Variants in CLVS1 observed in about 807,000 individuals in gnomAD.
CLVS1 encodes clavesin 1, also known as clavesin-1.
In CLVS1, 10 loss-of-function variants were observed where a neutral mutation model predicts 33.1. The ratio of observed to expected loss-of-function variants is 0.30; its 90% CI spans 0.19 to 0.51. The LOEUF (loss-of-function observed/expected upper bound fraction) is 0.51, where lower values mean the gene tolerates loss of function less well. CLVS1 is among the 20% of genes least tolerant of loss of function. The pLI is 0.97. For missense variants in CLVS1, 343 were observed against 433.4 expected, an observed-to-expected ratio of 0.79 and a Z score of 1.85; for synonymous variants, 163 against 166.1, an observed-to-expected ratio of 0.98 and a Z score of 0.14.
chr8:61,121,478 T>G (rs1805870486), intron 1 of CLVS1, among the ~76,000 whole-genome samples: 1 of 152,216 alleles, frequency 6.6e-6, no homozygotes, highest in Admixed American at 6.5e-5. Context: ...AATGCGTGTA[T>G]CTGTTTGCGT....
rs148875986 is a variant in CLVS1 at position 61,432,242 on chromosome 8, T to A, written c.631-21899T>A. Reference sequence around the variant, plus strand: ...CTAAATTCTTGGACTAGACCTCACCTATTATCAAGGGGTAAAATCTTTGCT... The same window carrying A: ...CTAAATTCTTGGACTAGACCTCACCAATTATCAAGGGGTAAAATCTTTGCT... On this transcript the variant is annotated intron_variant, in intron 3 of 5. Coordinates refer to ENST00000325897, the MANE Select transcript of CLVS1 (RefSeq NM_173519.3). Among the ~76,000 whole-genome samples, 721 of 152,344 alleles carry A rather than the reference T, an allele frequency of 4.7e-3. 4 individuals carry two copies. The highest frequency in any genetic ancestry group is 0.016 in the African/African-American group (679 of 41,572).
chr8:61,268,792 T>G (rs1809368216), intron 2 of CLVS1, among the ~76,000 whole-genome samples: 1 of 93,330 alleles, frequency 1.1e-5, no homozygotes, highest in Non-Finnish European at 2.1e-5. Flanking sequence ...TTTTCATGTG[T>G]TTTTTGGCTG....
intron 2 of CLVS1, among the ~76,000 whole-genome samples, chr8:61,262,116 A>G (rs1809218339): frequency 6.6e-6 from 1 of 151,328 alleles, no homozygotes; most frequent in Non-Finnish European, 1.5e-5. Flanking sequence ...ATCTGAAGTG[A>G]TCTCTTCTCA....
chr8:61,283,131 C>T (rs62524886), upstream of CLVS1, among the ~76,000 whole-genome samples: 2,466 of 152,290 alleles, frequency 0.016, 27 homozygotes, highest in Non-Finnish European at 0.025. Context: ...TGAAAATATT[C>T]TCTCTCCAAC....
At chr8:61,145,716 G>A (rs1806402865) in intron 2 of CLVS1, among the ~76,000 whole-genome samples, 1 of 152,100 alleles carries the variant, frequency 6.6e-6, no homozygotes, top group Admixed American at 6.5e-5. Context: ...CCTCCCCTCG[G>A]GCAAGTCACA....
chr8:61,285,738 G>A (rs1226554641), upstream of CLVS1, among the ~76,000 whole-genome samples: 1 of 152,164 alleles, frequency 6.6e-6, no homozygotes, highest in Non-Finnish European at 1.5e-5. Flanking sequence ...ACGTGAGGGT[G>A]CACTGAAGTT....
intron 2 of CLVS1, among the ~76,000 whole-genome samples, chr8:61,281,992 G>A (rs938094578): frequency 1.3e-5 from 2 of 152,134 alleles, no homozygotes; most frequent in African/African-American, 4.8e-5. Context: ...TGAGAAAAGT[G>A]CCCATGGGTG....
intron 2 of CLVS1, among the ~76,000 whole-genome samples, chr8:61,150,101 G>GGTGT (rs10653874): frequency 2.5e-4 from 36 of 146,512 alleles, no homozygotes; most frequent in Admixed American, 4.7e-4. Context: ...ATTTGAGAAA[G>GGTGT]GTGTGTGTGT....
At chr8:61,126,419 C>T (rs1214664205) in intron 1 of CLVS1, among the ~76,000 whole-genome samples, 2 of 152,202 alleles carry the variant, frequency 1.3e-5, no homozygotes, top group East Asian at 3.8e-4. Context: ...CCTGGGTTAG[C>T]ATCTTGCCTG....
At chr8:61,353,846 C>T (rs1812575767) in intron 2 of CLVS1, among the ~76,000 whole-genome samples, 1 of 151,144 alleles carries the variant, frequency 6.6e-6, no homozygotes, top group African/African-American at 2.4e-5. Context: ...TCTAGCTAGA[C>T]TGACAATAAT....
Position 61,300,292 on chromosome 8 carries a change from G to C in CLVS1, c.455+10G>C. The C allele has an allele frequency of 6.2e-7, 1 of 1,602,164 alleles. No individual in the cohort carries two copies. Among genetic ancestry groups the C allele is most frequent in the Middle Eastern group, 1.7e-4 (1 of 5,980 alleles). On this transcript the variant is annotated intron_variant, in intron 2 of 5. Transcript: ENST00000325897. Reference sequence around the variant, plus strand: ...ATTGGGATCAGAGTAGGTAAATGTAGATAGTGTCTTTACTTGGTTTTTCTT... The same window carrying C: ...ATTGGGATCAGAGTAGGTAAATGTACATAGTGTCTTTACTTGGTTTTTCTT...
At chr8:61,289,474 G>A (rs1268781408) in intron 1 of CLVS1, among the ~76,000 whole-genome samples, 1 of 152,186 alleles carries the variant, frequency 6.6e-6, no homozygotes, top group African/African-American at 2.4e-5. Context: ...CAATAAAAAT[G>A]TCTTGCTGGG....
chr8:61,018,974 A>C, the CLVS1 span, among the ~76,000 whole-genome samples: 1 of 152,234 alleles, frequency 6.6e-6, no homozygotes, highest in Non-Finnish European at 1.5e-5. Context: ...TTAGTGACTT[A>C]CATGGTGTGT....
chr8:61,234,457 C>T (rs995334006), intron 2 of CLVS1, among the ~76,000 whole-genome samples: 3 of 152,114 alleles, frequency 2.0e-5, no homozygotes, highest in African/African-American at 7.2e-5. Context: ...AAGACACGTC[C>T]TTTTTCTCAT....
chr8:61,437,607 T>G (rs777731415), intron 3 of CLVS1, among the ~76,000 whole-genome samples: 2 of 152,112 alleles, frequency 1.3e-5, no homozygotes, highest in Non-Finnish European at 2.9e-5. Flanking sequence ...TATGGAGATA[T>G]GCAAGTTCAT....
intron 3 of CLVS1, among the ~76,000 whole-genome samples, chr8:61,417,577 C>A (rs950430043): frequency 1.3e-5 from 2 of 152,102 alleles, no homozygotes; most frequent in African/African-American, 4.8e-5. Context: ...AAAGAGCCTT[C>A]CATGGAGAAA....
chr8:61,218,168 T>C (rs1808132740), intron 2 of CLVS1, among the ~76,000 whole-genome samples: 1 of 152,130 alleles, frequency 6.6e-6, no homozygotes, highest in South Asian at 2.1e-4. Flanking sequence ...CCAAAAGAAA[T>C]GAAATCATAA....
chr8:61,121,127 C>G (rs1229188172), intron 1 of CLVS1, among the ~76,000 whole-genome samples: 2 of 151,844 alleles, frequency 1.3e-5, no homozygotes, highest in African/African-American at 2.4e-5. Context: ...GTGGGAGTGA[C>G]CCGATTTTCC....
At chr8:61,151,358 CTTG>C (rs372921772) in intron 2 of CLVS1, among the ~76,000 whole-genome samples, 43 of 152,144 alleles carry the variant, frequency 2.8e-4, no homozygotes, top group African/African-American at 9.7e-4. Flanking sequence ...ATTACGTTAT[CTTG>C]TTAATATTCG....
Sources: gnomAD v4.1 joint callset for allele counts (sites outside exome capture counted in the v4.1 genomes callset) on GRCh38, gnomAD v4.1.1 for gene constraint, MANE v1.5 for transcripts, NCBI Gene and HGNC (gene_info 2026-07-23, HGNC 2026-07-21) for gene names.